Variants in ENOX1 observed in about 807,000 individuals in gnomAD.
ENOX1 encodes candidate growth-related and time keeping constitutive hydroquinone (NADH) oxidase.
In ENOX1, 42 loss-of-function variants were observed where a neutral mutation model predicts 82.5. That is an observed-to-expected ratio of 0.51 (90% CI 0.40 to 0.66). The LOEUF (loss-of-function observed/expected upper bound fraction) is 0.66. Ranked by LOEUF, ENOX1 falls within the 30% of genes least tolerant of loss-of-function variation. The pLI is 0.00. For synonymous variants in ENOX1, 271 were observed against 282.2 expected, an observed-to-expected ratio of 0.96 and a Z score of 0.40; for missense variants, 608 against 811.6, an observed-to-expected ratio of 0.75 and a Z score of 3.05.
At chr13:43,637,071 C>T (rs1413569028) in intron 2 of ENOX1, among the ~76,000 whole-genome samples, 2 of 152,132 alleles carry the variant, frequency 1.3e-5, no homozygotes, top group African/African-American at 4.8e-5. Context: ...ACTTCGTACA[C>T]AATGAGACAA....
At chr13:43,784,175 C>T (rs779753302) in intron 1 of ENOX1, among the ~76,000 whole-genome samples, 7 of 152,184 alleles carry the variant, frequency 4.6e-5, no homozygotes, top group Admixed American at 1.3e-4. Flanking sequence ...CCTAAAATTA[C>T]GTGTATAAAT....
intron 14 of ENOX1, among the ~76,000 whole-genome samples, chr13:43,237,393 A>G (rs1008295255): frequency 1.3e-5 from 2 of 152,246 alleles, no homozygotes; most frequent in Non-Finnish European, 2.9e-5. Context: ...TTTAACTCAT[A>G]TCATCCTAGA....
At chr13:43,487,188 G>T (rs765902534) in intron 2 of ENOX1, among the ~76,000 whole-genome samples, 7 of 150,564 alleles carry the variant, frequency 4.6e-5, no homozygotes, top group Non-Finnish European at 1.0e-4. Context: ...AAAAAAAAAA[G>T]TTAGGAAATA....
chr13:43,652,451 C>A (rs1427422651), intron 2 of ENOX1, among the ~76,000 whole-genome samples: 3 of 152,098 alleles, frequency 2.0e-5, no homozygotes, highest in Admixed American at 1.3e-4. Flanking sequence ...ATGGTGCCAC[C>A]AATAAAACTT....
At chr13:43,646,018 C>G (rs570376479) in intron 2 of ENOX1, among the ~76,000 whole-genome samples, 4 of 152,208 alleles carry the variant, frequency 2.6e-5, no homozygotes, top group African/African-American at 9.6e-5. Context: ...AAAGGCTGGG[C>G]AAGTGTGCCA....
chr13:43,775,309 T>C (rs1199194565), intron 1 of ENOX1, among the ~76,000 whole-genome samples: 1 of 152,088 alleles, frequency 6.6e-6, no homozygotes, highest in Non-Finnish European at 1.5e-5. Flanking sequence ...GCATCCCTAA[T>C]ATTTTTATTT....
At chr13:43,713,828 C>T (rs797016199) in intron 1 of ENOX1, among the ~76,000 whole-genome samples, 2,104 of 150,798 alleles carry the variant, frequency 0.014, 26 homozygotes, top group African/African-American at 0.026. Context: ...GTCTTGCTAG[C>T]GGTCTATCAA....
chr13:43,664,918 A>G (rs1255470560), intron 2 of ENOX1, among the ~76,000 whole-genome samples: 1 of 152,206 alleles, frequency 6.6e-6, no homozygotes, highest in Non-Finnish European at 1.5e-5. Context: ...CATCTTATAA[A>G]TCCACTGCTG....
chr13:43,339,969 A>G (rs184664594), intron 9 of ENOX1, among the ~76,000 whole-genome samples: 3 of 152,320 alleles, frequency 2.0e-5, no homozygotes, highest in African/African-American at 7.2e-5. Flanking sequence ...ATTGTTTTAC[A>G]AGCATCCCCA....
chr13:43,719,902 G>A (rs191835637), intron 1 of ENOX1, among the ~76,000 whole-genome samples: 12 of 152,166 alleles, frequency 7.9e-5, no homozygotes, highest in Admixed American at 5.2e-4. Context: ...TCTGAGACAC[G>A]ATAACAGCAA....
At chr13:43,240,943 C>A (rs1212256246) in intron 14 of ENOX1, among the ~76,000 whole-genome samples, 1 of 152,168 alleles carries the variant, frequency 6.6e-6, no homozygotes, top group Non-Finnish European at 1.5e-5. Context: ...GTAACACAAA[C>A]CACTGCATGT....
intron 14 of ENOX1, among the ~76,000 whole-genome samples, chr13:43,240,027 T>A (rs1228283451): frequency 6.6e-6 from 1 of 152,204 alleles, no homozygotes; most frequent in Non-Finnish European, 1.5e-5. Context: ...TCTCTCTTTG[T>A]TTTTATTTAA....
chr13:43,541,193 T>TTTTTTTTTTTTTTTTTTTTTTTTTTTTTC (rs2078707244), intron 2 of ENOX1, among the ~76,000 whole-genome samples: 1 of 89,464 alleles, frequency 1.1e-5, no homozygotes, highest in Non-Finnish European at 2.4e-5. Context: ...TTTTTTTTTT[T>TTTTTTTTTTTTTTTTTTTTTTTTTTTTTC]TTTTTGCTAA....
At chr13:43,735,588 G>A (rs758529357) in intron 1 of ENOX1, among the ~76,000 whole-genome samples, 4 of 152,164 alleles carry the variant, frequency 2.6e-5, no homozygotes, top group Non-Finnish European at 5.9e-5. Flanking sequence ...GGGCCTGGCA[G>A]CGTGCGCCTG....
intron 2 of ENOX1, among the ~76,000 whole-genome samples, chr13:43,574,754 GT>G (rs1259070485): frequency 6.6e-6 from 1 of 152,104 alleles, no homozygotes; most frequent in African/African-American, 2.4e-5. Flanking sequence ...GAAACCACTG[GT>G]TTCCTACAAA....
chr13:43,287,763 GA>G (rs1477959747), intron 12 of ENOX1, among the ~76,000 whole-genome samples: 2 of 152,284 alleles, frequency 1.3e-5, no homozygotes, highest in East Asian at 3.9e-4. Flanking sequence ...ATCTTGTCCA[GA>G]ATCAAAAGGA....
At chr13:43,680,506 C>G (rs1594382035) in intron 1 of ENOX1, among the ~76,000 whole-genome samples, 2 of 152,112 alleles carry the variant, frequency 1.3e-5, no homozygotes, top group African/African-American at 4.8e-5. Flanking sequence ...GGAGAAGATG[C>G]AGCAAGACTG....
At chr13:43,474,608 C>T (rs73474050) in intron 3 of ENOX1, among the ~76,000 whole-genome samples, 5,431 of 152,106 alleles carry the variant, frequency 0.036, 342 homozygotes, top group African/African-American at 0.13. Context: ...GTATTTGAAA[C>T]GAAGTTGCTG....
rs189625122 is a variant in ENOX1 at position 43,226,655 on chromosome 13, G to A, written c.1715-2517C>T. 2.7e-3 allele frequency among the ~76,000 whole-genome samples: 417 copies of A among 152,312 alleles called. 2 individuals carry two copies. Among genetic ancestry groups the A allele is most frequent in the African/African-American group, 9.7e-3 (403 of 41,550 alleles). On this transcript the variant is annotated intron_variant, in intron 15 of 16. Transcript: ENST00000690772. Reference sequence around the variant, plus strand: ...CTATGGCCACTGCTTTCCACAGAGAGCCTCCCACAAGTGATGGGCAGGAGA... The same window carrying A: ...CTATGGCCACTGCTTTCCACAGAGAACCTCCCACAAGTGATGGGCAGGAGA...
Sources: allele counts gnomAD v4.1 joint callset (sites outside exome capture counted in the v4.1 genomes callset), GRCh38; gene constraint gnomAD v4.1.1; transcripts MANE v1.5; gene names NCBI Gene and HGNC (gene_info 2026-07-23, HGNC 2026-07-21).